HUWE1: variants seen among roughly 807,000 people sequenced by gnomAD.
HUWE1 encodes HECT, UBA and WWE domain containing E3 ubiquitin protein ligase 1.
Under a neutral mutation model 299.4 loss-of-function variants are expected in HUWE1, and 18 were observed. The observed-to-expected ratio is 0.06, with a 90% confidence interval of 0.04 to 0.09. The LOEUF (loss-of-function observed/expected upper bound fraction) is 0.09, where lower values mean the gene tolerates loss of function less well. Among genes scored for constraint, HUWE1 ranks in the 10% least tolerant of loss-of-function variants. The probability of loss-of-function intolerance (pLI) is 1.00; values close to 1 mark genes in which losing one functional copy is unlikely to be tolerated. For missense variants in HUWE1, 1,832 were observed against 3,462.3 expected (o/e 0.53, Z 11.82); for synonymous variants, 1,317 against 1,286.1 (o/e 1.02, Z -0.51).
At position 53,614,817 on chromosome X, in the gene HUWE1, T is replaced by TA. The variant is rs782721070; in HGVS notation, c.2050-73dup. 24 of 718,778 alleles carry TA rather than the reference T, an allele frequency of 3.3e-5. No individual in the cohort carries two copies. The African/African-American group carries it at 5.0e-4, about 15-fold the overall frequency. The allele number at this position is 718,778 out of a possible 1,213,427, so 59.2% of individuals were successfully genotyped here. A position where few individuals can be genotyped will look rare whatever the true frequency, so the allele number is the denominator to read the frequency against. ...GGGAGGAGGAGACAGCTAACATATT[T>TA]AGAGCGTTTTCTATGTGTTGTGTAT... On this transcript the variant is annotated intron_variant, in intron 22 of 83. Transcript: ENST00000262854.
intron 83 of HUWE1, chrX:53,533,662 A>G (rs2060866713): frequency 6.8e-6 from 3 of 440,897 alleles, no homozygotes; most frequent in Non-Finnish European, 1.2e-5. Context: ...CCCATAGGCT[A>G]AAGTGCAAAC....
chrX:53,642,454 A>G (rs1489644037), intron 7 of HUWE1, among the ~76,000 whole-genome samples: 1 of 111,961 alleles, frequency 8.9e-6, no homozygotes, highest in African/African-American at 3.2e-5. Context: ...GCCACATTTT[A>G]CTTATTTGAG....
intron 70 of HUWE1, among the ~76,000 whole-genome samples, chrX:53,545,547 G>A (rs2061508197): frequency 9.0e-6 from 1 of 111,681 alleles, no homozygotes; most frequent in Non-Finnish European, 1.9e-5. Flanking sequence ...ATACTGGGAT[G>A]GGAATATTAC....
At chrX:53,545,647 A>G (rs192524090) in intron 70 of HUWE1, among the ~76,000 whole-genome samples, 186 of 111,970 alleles carry the variant, frequency 1.7e-3, no homozygotes, top group Non-Finnish European at 1.0e-3. Flanking sequence ...TGTGGAATAG[A>G]TGGTGGCAGC....
Position 53,539,443 on chromosome X carries a change from T to G in HUWE1, c.11632+214A>C, listed in dbSNP as rs144214766. ...TGGGATAGCTAACCAGTTATAAAGA[T>G]TCCCCTTGTCTATAAAGTGAAAGAC... On this transcript the variant is annotated intron_variant, in intron 75 of 83. Coordinates refer to ENST00000262854, the MANE Select transcript of HUWE1 (RefSeq NM_031407.7). 4.3e-3 allele frequency among the ~76,000 whole-genome samples: 478 copies of G among 111,101 alleles called. 3 individuals carry two copies. The highest frequency in any genetic ancestry group is 8.7e-3 in the Admixed American group (91 of 10,485).
At chrX:53,560,070 G>A in intron 56 of HUWE1, 118 bp downstream of exon 56, 1 of 636,456 alleles carries the variant, frequency 1.6e-6, no homozygotes, top group Non-Finnish European at 2.5e-6. Flanking sequence ...TACCTTATTT[G>A]TGTGTATGAC....
chrX:53,654,292 G>GCACAGC (rs2068643774), intron 3 of HUWE1, among the ~76,000 whole-genome samples, 161 bp from the exon 4 acceptor site: 1 of 112,028 alleles, frequency 8.9e-6, no homozygotes, highest in Non-Finnish European at 1.9e-5. Context: ...CAGCTATCAG[G>GCACAGC]TAGAGAGAGG....
chrX:53,661,041 T>C (rs896812920), intron 3 of HUWE1, among the ~76,000 whole-genome samples: 1 of 107,532 alleles, frequency 9.3e-6, no homozygotes, highest in Non-Finnish European at 1.9e-5. Context: ...TCACTTTTTT[T>C]TTTTTTTTTT....
chrX:53,626,416 A>G (rs985925945), intron 17 of HUWE1, among the ~76,000 whole-genome samples: 2 of 111,506 alleles, frequency 1.8e-5, no homozygotes, highest in Non-Finnish European at 3.8e-5. Context: ...TATAAAAAGC[A>G]TGAAAAGATT....
chrX:53,618,645 G>A (rs2065941134), intron 19 of HUWE1, among the ~76,000 whole-genome samples: 1 of 105,759 alleles, frequency 9.5e-6, no homozygotes, highest in Non-Finnish European at 1.9e-5. Context: ...GCTCACTGCA[G>A]CCTCCACCTC....
At chrX:53,593,241 C>G (rs2064259947) in intron 32 of HUWE1, 123 bp downstream of exon 32, 2 of 535,180 alleles carry the variant, frequency 3.7e-6, no homozygotes, top group East Asian at 3.5e-5. Context: ...TAAGGCAGCC[C>G]TATCTGGGAG....
chrX:53,639,731 T>C (rs2067454493), intron 7 of HUWE1, among the ~76,000 whole-genome samples: 2 of 111,803 alleles, frequency 1.8e-5, no homozygotes, highest in South Asian at 7.4e-4. Context: ...TGTGTAACAT[T>C]TTAAAAGAAA....
intron 42 of HUWE1, among the ~76,000 whole-genome samples, chrX:53,582,951 G>A (rs1294610741): frequency 9.0e-6 from 1 of 111,701 alleles, no homozygotes; most frequent in East Asian, 2.8e-4. Context: ...TGGGATTAGA[G>A]GCATGAGCCA....
At chrX:53,584,396 A>C in intron 40 of HUWE1, 51 bp from the exon 41 acceptor site, 15 of 1,027,827 alleles carry the variant, frequency 1.5e-5, no homozygotes, top group Non-Finnish European at 1.9e-5. Flanking sequence ...ATGAATTATA[A>C]AGGTGGGGGA....
At chrX:53,639,926 A>C (rs966234986) in intron 7 of HUWE1, among the ~76,000 whole-genome samples, 15 of 112,727 alleles carry the variant, frequency 1.3e-4, no homozygotes, top group Non-Finnish European at 2.6e-4. Flanking sequence ...ACACAGAAAC[A>C]GGTTAATATT....
chrX:53,591,400 A>T (rs1333923004), intron 33 of HUWE1, among the ~76,000 whole-genome samples: 1 of 111,413 alleles, frequency 9.0e-6, no homozygotes, highest in Non-Finnish European at 1.9e-5. Context: ...TAACAGGGTT[A>T]TTATAATTAA....
At chrX:53,663,061 T>G (rs2069084580) in intron 3 of HUWE1, among the ~76,000 whole-genome samples, 1 of 112,698 alleles carries the variant, frequency 8.9e-6, no homozygotes, top group Non-Finnish European at 1.9e-5. Flanking sequence ...AGTGATCAAC[T>G]GCATCAAATG....
chrX:53,551,596 T>C (rs149262599), intron 63 of HUWE1, 116 bp from the exon 64 acceptor site: 3 of 660,825 alleles, frequency 4.5e-6, no homozygotes, highest in African/African-American at 4.3e-5. Context: ...CACTGCAGTG[T>C]TGAGCTCCTG....
chrX:53,645,302 A>G lies in HUWE1; in HGVS notation c.504+9T>C, dbSNP rs1557034665. On this transcript the variant is annotated intron_variant, in intron 7 of 83. Transcript: ENST00000262854. ...TTTGCACCCCTCCAACTCTTCACCC[A>G]AGACTCACCTCTGCCAAATGTTGTA... 8.3e-7 allele frequency: 1 copy of G among 1,210,898 alleles called. No homozygotes were observed. The highest frequency in any genetic ancestry group is 2.2e-5 in the Admixed American group (1 of 45,954).
Sources: gnomAD v4.1 joint callset for allele counts (sites outside exome capture counted in the v4.1 genomes callset) on GRCh38, gnomAD v4.1.1 for gene constraint, MANE v1.5 for transcripts, NCBI Gene and HGNC (gene_info 2026-07-23, HGNC 2026-07-21) for gene names.